The following TXNDC11 variants were observed in gnomAD, a reference collection of about 807,000 sequenced individuals.
TXNDC11 encodes the protein thioredoxin domain containing 11, also known as thioredoxin domain-containing protein 11.
TXNDC11 carries 68 observed loss-of-function variants against 78.0 expected under a neutral mutation model. The observed-to-expected ratio is 0.87, with a 90% CI of 0.72 to 1.07. The LOEUF is 1.07. TXNDC11 is among the 50% of genes least tolerant of loss of function. TXNDC11 has a pLI of 0.00. For missense variants in TXNDC11, 1,389 were observed against 1,221.8 expected (o/e 1.14, Z -2.04); for synonymous variants, 571 against 495.2 (o/e 1.15, Z -2.03).
At chr16:11,728,897 A>G (rs1000867934) in intron 4 of TXNDC11, among the ~76,000 whole-genome samples, 1 of 152,140 alleles carries the variant, frequency 6.6e-6, no homozygotes, top group Non-Finnish European at 1.5e-5. Flanking sequence ...GCTACTTAGG[A>G]GGCTGAGGCA....
intron 11 of TXNDC11, among the ~76,000 whole-genome samples, chr16:11,681,252 A>C (rs1311554176): frequency 6.6e-6 from 1 of 152,248 alleles, no homozygotes; most frequent in East Asian, 1.9e-4. Flanking sequence ...AGAATACCAG[A>C]CGCTGGACCT....
chr16:11,683,748 C>CTTTTT (rs36114425), intron 11 of TXNDC11, among the ~76,000 whole-genome samples: 1 of 109,326 alleles, frequency 9.1e-6, no homozygotes, highest in African/African-American at 3.6e-5. Flanking sequence ...CCTAAGGACA[C>CTTTTT]TTTTTTTTTT....
chr16:11,725,651 T>C (rs1353794324), intron 4 of TXNDC11, among the ~76,000 whole-genome samples: 1 of 152,232 alleles, frequency 6.6e-6, no homozygotes, highest in Non-Finnish European at 1.5e-5. Flanking sequence ...AGTTTCCATC[T>C]ACCTCACCCA....
chr16:11,688,249 A>C, intron 9 of TXNDC11, 54 bp downstream of exon 9: 1 of 1,587,492 alleles, frequency 6.3e-7, no homozygotes, highest in Non-Finnish European at 8.6e-7. Flanking sequence ...TGTAGTTTGG[A>C]AATTATTTTA....
Position 11,679,431 on chromosome 16 carries a change from C to A in TXNDC11, c.2641G>T (p.Ala881Ser). 1 of 1,613,442 alleles carries A rather than the reference C, an allele frequency of 6.2e-7. No individual in the cohort carries two copies. Reference sequence around the variant, plus strand: ...GTAAGGAGGTTTTCTGAGGCATCGGCCAGCTCCTGCAGCTTGCGGGCCAGC... The same window carrying A: ...GTAAGGAGGTTTTCTGAGGCATCGGACAGCTCCTGCAGCTTGCGGGCCAGC... ...QELARKLQEL[A>S]DASENLLTEN... The change falls in exon 12 of 12, where the codon GCC (alanine) becomes TCC (serine). Residue 881 changes from alanine to serine, a missense_variant. By Grantham distance (99) the Ala-to-Ser change is moderately conservative (BLOSUM62 1). Coordinates refer to ENST00000283033, the MANE Select transcript of TXNDC11 (RefSeq NM_015914.7). The surrounding 1 kb of genome is among the most constrained non-coding windows in gnomAD (Gnocchi z 4.6).
At chr16:11,699,039 A>G (rs950317169) in intron 6 of TXNDC11, among the ~76,000 whole-genome samples, 3 of 152,248 alleles carry the variant, frequency 2.0e-5, no homozygotes, top group Non-Finnish European at 2.9e-5. Flanking sequence ...ACTGGCTTCA[A>G]ACAGAACTAC....
At chr16:11,724,991 C>T (rs2051833321) in intron 4 of TXNDC11, among the ~76,000 whole-genome samples, 1 of 152,084 alleles carries the variant, frequency 6.6e-6, no homozygotes. Context: ...ATGATCTGCC[C>T]GCCTCGGCCT....
In TXNDC11 at chr16:11,721,418, G is replaced by A. The variant is rs111510314; in HGVS notation, c.793+159C>T. 890 of 413,048 alleles carry A rather than the reference G, an allele frequency of 2.2e-3. 9 individuals are homozygous for A. Among genetic ancestry groups the A allele is most frequent in the African/African-American group, 0.017 (811 of 47,916 alleles). 25.6% of individuals were successfully genotyped at this position (413,048 alleles called of 1,614,324 possible). ...CACGCCACTGCACTCCAGCCTGGGC[G>A]GCAGGGCGAGACTCCATCTAAAAAA... On this transcript the variant is annotated intron_variant, in intron 5 of 11. Coordinates refer to ENST00000283033, the MANE Select transcript of TXNDC11 (RefSeq NM_015914.7).
chr16:11,717,436 A>C (rs1347526492), intron 5 of TXNDC11, among the ~76,000 whole-genome samples: 577 of 123,918 alleles, frequency 4.7e-3, no homozygotes, highest in Admixed American at 0.011. Context: ...CTCCAAATGA[A>C]AAAAAAAAAA....
intron 5 of TXNDC11, among the ~76,000 whole-genome samples, chr16:11,708,779 C>T (rs562477067): frequency 1.3e-5 from 2 of 152,192 alleles, no homozygotes; most frequent in Non-Finnish European, 2.9e-5. Context: ...TACCAAAAGG[C>T]AAACCTGTAT....
chr16:11,718,097 T>C (rs1342033225), intron 5 of TXNDC11, among the ~76,000 whole-genome samples: 3 of 152,204 alleles, frequency 2.0e-5, no homozygotes, highest in East Asian at 3.8e-4. Context: ...CCCGATCTTA[T>C]AACCCAAGCC....
Position 11,742,696 on chromosome 16 carries a change from CT to C in TXNDC11, c.34del (p.Ser12AlafsTer79). ...SECGGRGGGSSSSEDAEDEGG... is the reference protein window; with the variant it reads ...SECGGRGGGSXSSEDAEDEGG... ...CTCGTCCTCGGCGTCCTCGCTGCTG[CT>C]GCTGCCGCCGCCGCGGCCTCCGCAT... On this transcript the variant is annotated frameshift_variant, in exon 1 of 12. Transcript: ENST00000283033. LOFTEE classifies it high-confidence loss of function. The C allele has an allele frequency of 1.4e-6, 2 of 1,479,426 alleles. No homozygotes were observed. The highest frequency in any genetic ancestry group is 1.8e-6 in the Non-Finnish European group (2 of 1,124,850). 91.6% of individuals were successfully genotyped at this position (1,479,426 alleles called of 1,614,324 possible).
intron 6 of TXNDC11, among the ~76,000 whole-genome samples, chr16:11,699,475 T>C (rs1013529631): frequency 5.9e-5 from 9 of 152,218 alleles, no homozygotes; most frequent in African/African-American, 1.9e-4. Flanking sequence ...ACAGCAGTGA[T>C]TGTCAAGGTG....
chr16:11,737,135 G>A (rs534027709), intron 1 of TXNDC11, among the ~76,000 whole-genome samples: 76 of 152,174 alleles, frequency 5.0e-4, no homozygotes, highest in African/African-American at 1.8e-3. Context: ...CCTAAAACGC[G>A]ATGAGATTAA....
chr16:11,688,852 G>A (rs1181747590), intron 8 of TXNDC11, among the ~76,000 whole-genome samples: 1 of 152,154 alleles, frequency 6.6e-6, no homozygotes, highest in Non-Finnish European at 1.5e-5. Flanking sequence ...CTACAGTAGT[G>A]TGGAATGTGT....
At chr16:11,725,551 A>T (rs1419008867) in intron 4 of TXNDC11, among the ~76,000 whole-genome samples, 1 of 152,210 alleles carries the variant, frequency 6.6e-6, no homozygotes, top group East Asian at 1.9e-4. Context: ...GAATTTGGGG[A>T]GCCACAAGGC....
chr16:11,701,207 G>A (rs572686015), intron 5 of TXNDC11, among the ~76,000 whole-genome samples: 11 of 144,670 alleles, frequency 7.6e-5, no homozygotes, highest in Admixed American at 2.1e-4. Context: ...TGCGATATCG[G>A]CTCACTACAA....
At chr16:11,685,998 G>A (rs755315514) in intron 10 of TXNDC11, among the ~76,000 whole-genome samples, 11 of 151,500 alleles carry the variant, frequency 7.3e-5, no homozygotes, top group Non-Finnish European at 1.5e-4. Context: ...TTGCTCTGTC[G>A]CCCAGGCTGG....
intron 5 of TXNDC11, among the ~76,000 whole-genome samples, chr16:11,701,054 CTAT>C (rs1211042957): frequency 6.6e-6 from 1 of 151,726 alleles, no homozygotes; most frequent in Non-Finnish European, 1.5e-5. Flanking sequence ...ACCAATTACC[CTAT>C]TTTTTATAGC....
Sources: allele counts gnomAD v4.1 joint callset (sites outside exome capture counted in the v4.1 genomes callset), GRCh38; gene constraint gnomAD v4.1.1; non-coding constraint Gnocchi (gnomAD v3.1); transcripts MANE v1.5; gene names NCBI Gene and HGNC (gene_info 2026-07-23, HGNC 2026-07-21).